WDPCP: variants seen among roughly 807,000 people sequenced by gnomAD.
The protein encoded by WDPCP is WD repeat-containing and planar cell polarity effector protein fritz homolog.
A neutral mutation model predicts 93.1 loss-of-function variants in WDPCP; 71 were observed. That is an observed-to-expected ratio of 0.76 (90% CI 0.63 to 0.93). WDPCP has a LOEUF of 0.93. Ranked by LOEUF, WDPCP falls within the 40% of genes least tolerant of loss-of-function variation. The pLI, the probability that WDPCP is intolerant of heterozygous loss-of-function variation, is 0.00. For synonymous variants in WDPCP, 315 were observed against 315.0 expected, an observed-to-expected ratio of 1.00 and a Z score of 0.00; for missense variants, 844 against 887.4, an observed-to-expected ratio of 0.95 and a Z score of 0.62.
chr2:63,318,823 A>G (rs1686861904), intron 12 of WDPCP, among the ~76,000 whole-genome samples: 1 of 152,214 alleles, frequency 6.6e-6, no homozygotes, highest in African/African-American at 2.4e-5. Context: ...TATGCTCATT[A>G]GTAGCATAGT....
At chr2:63,667,845 A>G (rs557454742) in intron 2 of WDPCP, among the ~76,000 whole-genome samples, 98 of 152,212 alleles carry the variant, frequency 6.4e-4, no homozygotes, top group African/African-American at 2.3e-3. Context: ...TTAATATTCA[A>G]ATAAAGTAAC....
At chr2:63,428,955 T>C (rs1442375859) in intron 9 of WDPCP, among the ~76,000 whole-genome samples, 1 of 152,098 alleles carries the variant, frequency 6.6e-6, no homozygotes, top group Non-Finnish European at 1.5e-5. Flanking sequence ...CTTGTTAAAA[T>C]GGCCATAATG....
At chr2:63,139,078 T>A (rs1230700155) in intron 17 of WDPCP, among the ~76,000 whole-genome samples, 3 of 152,188 alleles carry the variant, frequency 2.0e-5, no homozygotes, top group Non-Finnish European at 4.4e-5. Context: ...TGTATGTATG[T>A]GTGTGTATAT....
At chr2:63,390,885 G>C (rs1276790928) in intron 10 of WDPCP, among the ~76,000 whole-genome samples, 2 of 152,172 alleles carry the variant, frequency 1.3e-5, no homozygotes, top group Non-Finnish European at 1.5e-5. Flanking sequence ...CTCTGAAGTT[G>C]AGGCAATAAT....
intron 2 of WDPCP, among the ~76,000 whole-genome samples, chr2:63,651,261 G>C (rs975191932): frequency 6.6e-6 from 1 of 152,086 alleles, no homozygotes; most frequent in Non-Finnish European, 1.5e-5. Flanking sequence ...CCTTTAACAA[G>C]TATGGGTATA....
chr2:63,354,845 A>G (rs1689894973), intron 12 of WDPCP, among the ~76,000 whole-genome samples: 1 of 152,200 alleles, frequency 6.6e-6, no homozygotes, highest in African/African-American at 2.4e-5. Flanking sequence ...CTTAGGAAAG[A>G]ATCTCAGAAC....
At chr2:63,523,983 G>A (rs936344928) in intron 1 of WDPCP, among the ~76,000 whole-genome samples, 21 of 152,034 alleles carry the variant, frequency 1.4e-4, no homozygotes, top group Non-Finnish European at 7.4e-5. Context: ...TCCAACCTGA[G>A]AGCCAAATCA....
chr2:63,755,284 C>T (rs1669948869), intron 2 of WDPCP, among the ~76,000 whole-genome samples: 2 of 152,160 alleles, frequency 1.3e-5, no homozygotes, highest in African/African-American at 2.4e-5. Context: ...CTCAGAGGTG[C>T]GCTATCATCT....
At chr2:63,326,205 C>T (rs1249420086) in intron 12 of WDPCP, among the ~76,000 whole-genome samples, 2 of 152,192 alleles carry the variant, frequency 1.3e-5, no homozygotes, top group Non-Finnish European at 2.9e-5. Flanking sequence ...GTTCGTGGCC[C>T]TCAACCCTGC....
At chr2:63,272,062 G>C (rs959818271) in intron 13 of WDPCP, among the ~76,000 whole-genome samples, 4 of 152,216 alleles carry the variant, frequency 2.6e-5, no homozygotes, top group Middle Eastern at 3.4e-3. Flanking sequence ...CTTACCACCA[G>C]TGCCCGCATA....
intron 3 of WDPCP, among the ~76,000 whole-genome samples, chr2:63,615,602 T>A (rs1263171627): frequency 6.6e-6 from 1 of 152,210 alleles, no homozygotes; most frequent in Non-Finnish European, 1.5e-5. Context: ...CCCTGCAGAA[T>A]GGCAACACTT....
intron 6 of WDPCP, among the ~76,000 whole-genome samples, chr2:63,458,402 G>A (rs1698785247): frequency 6.6e-6 from 1 of 152,008 alleles, no homozygotes; most frequent in African/African-American, 2.4e-5. Context: ...ATAAAAATCA[G>A]TAGTACACTG....
At chr2:63,605,467 T>C (rs1056750547) in intron 3 of WDPCP, 6 of 1,068,628 alleles carry the variant, frequency 5.6e-6, no homozygotes, top group Admixed American at 1.9e-5. Flanking sequence ...AAAAAGAATA[T>C]AGCCTTAGCA....
chr2:63,791,687 T>A (rs1427325561), intron 2 of WDPCP, among the ~76,000 whole-genome samples: 1 of 152,132 alleles, frequency 6.6e-6, no homozygotes, highest in Non-Finnish European at 1.5e-5. Context: ...TCCAGTCTCT[T>A]TCTTCACCTA....
chr2:63,657,950 T>A (rs895382355), intron 2 of WDPCP, among the ~76,000 whole-genome samples: 6 of 152,148 alleles, frequency 3.9e-5, no homozygotes, highest in African/African-American at 1.4e-4. Context: ...TCTGCTTAAT[T>A]TAAAAGGTTC....
chr2:63,169,678 G>T (rs1673237312), intron 15 of WDPCP, among the ~76,000 whole-genome samples: 1 of 151,898 alleles, frequency 6.6e-6, no homozygotes, highest in South Asian at 2.1e-4. Context: ...TCTTTTTCAA[G>T]GAATCCAATT....
intron 1 of WDPCP, among the ~76,000 whole-genome samples, chr2:63,509,073 C>G (rs1005704573): frequency 6.6e-6 from 1 of 152,136 alleles, no homozygotes; most frequent in Non-Finnish European, 1.5e-5. Context: ...CACCTCTGGA[C>G]CAAGCGGACC....
At chr2:63,539,902 T>C (rs927111057) in intron 1 of WDPCP, among the ~76,000 whole-genome samples, 2 of 152,300 alleles carry the variant, frequency 1.3e-5, no homozygotes, top group East Asian at 3.9e-4. Context: ...TCAGGACATG[T>C]TTTGCATTCT....
chr2:63,283,419 A>G (rs1175035772), intron 13 of WDPCP, among the ~76,000 whole-genome samples: 3 of 152,238 alleles, frequency 2.0e-5, no homozygotes, highest in Non-Finnish European at 4.4e-5. Context: ...AACATTGTAT[A>G]TATGTTGATA....
Sources: gnomAD v4.1 joint callset for allele counts (sites outside exome capture counted in the v4.1 genomes callset) on GRCh38, gnomAD v4.1.1 for gene constraint, MANE v1.5 for transcripts, NCBI Gene and HGNC (gene_info 2026-07-23, HGNC 2026-07-21) for gene names.